CSMD1: variants seen among roughly 807,000 people sequenced by gnomAD.
CSMD1 encodes CUB and Sushi multiple domains 1, also known as CUB and sushi domain-containing protein 1.
Under a neutral mutation model 417.5 loss-of-function variants are expected in CSMD1, and 213 were observed. The ratio of observed to expected loss-of-function variants is 0.51; its 90% confidence interval spans 0.46 to 0.57. The LOEUF is 0.57. Ranked by LOEUF, CSMD1 falls within the 20% of genes least tolerant of loss-of-function variation. The pLI is 0.00. For missense variants in CSMD1, 6,923 were observed against 4,529.7 expected, an observed-to-expected ratio of 1.53 and a Z score of -15.17; for synonymous variants, 2,862 against 1,736.8, an observed-to-expected ratio of 1.65 and a Z score of -16.11.
intron 2 of CSMD1, among the ~76,000 whole-genome samples, chr8:4,562,504 C>T (rs1392797718): frequency 6.6e-6 from 1 of 152,050 alleles, no homozygotes; most frequent in East Asian, 1.9e-4. Flanking sequence ...TAAAACAAAC[C>T]TGGAGTCAGT....
chr8:4,106,849 G>T (rs1315294072), intron 3 of CSMD1, among the ~76,000 whole-genome samples: 1 of 152,078 alleles, frequency 6.6e-6, no homozygotes, highest in Non-Finnish European at 1.5e-5. Flanking sequence ...AGAGAGAAAA[G>T]AAAAACTGCC....
chr8:3,247,527 C>T (rs1050230687), intron 26 of CSMD1, among the ~76,000 whole-genome samples: 1 of 152,192 alleles, frequency 6.6e-6, no homozygotes, highest in Non-Finnish European at 1.5e-5. Context: ...GAGGCAAGCT[C>T]AGGTCCATCT....
intron 3 of CSMD1, among the ~76,000 whole-genome samples, chr8:4,359,653 G>T (rs757111804): frequency 6.6e-6 from 1 of 152,200 alleles, no homozygotes; most frequent in Non-Finnish European, 1.5e-5. Flanking sequence ...CCTTGCAAAT[G>T]TGTGTGGTTG....
chr8:4,654,491 C>G (rs1412125271), intron 1 of CSMD1, among the ~76,000 whole-genome samples: 1 of 151,974 alleles, frequency 6.6e-6, no homozygotes, highest in Non-Finnish European at 1.5e-5. Context: ...ACCCTGGAAA[C>G]GAAGTACCAG....
At chr8:4,549,623 T>G (rs1176752055) in intron 2 of CSMD1, among the ~76,000 whole-genome samples, 1 of 151,950 alleles carries the variant, frequency 6.6e-6, no homozygotes, top group East Asian at 1.9e-4. Flanking sequence ...GCGCGGTGGC[T>G]CACACCGGTA....
chr8:3,399,637 T>C (rs1324883565), intron 15 of CSMD1, 108 bp from the exon 16 acceptor site: 1 of 804,394 alleles, frequency 1.2e-6, no homozygotes, highest in East Asian at 3.0e-5. Flanking sequence ...AGACTGAATA[T>C]TTTCAAGTAT....
chr8:4,245,735 T>G (rs1035802353), intron 3 of CSMD1, among the ~76,000 whole-genome samples: 2 of 152,186 alleles, frequency 1.3e-5, no homozygotes, highest in Non-Finnish European at 2.9e-5. Context: ...ATACACTTCT[T>G]GGTGACTAAG....
intron 1 of CSMD1, among the ~76,000 whole-genome samples, chr8:4,810,390 C>G (rs1315095043): frequency 6.6e-6 from 1 of 152,118 alleles, no homozygotes; most frequent in Admixed American, 6.6e-5. Context: ...CATAGCCATT[C>G]ATAACGTGAT....
chr8:4,912,410 G>C (rs533751465), intron 1 of CSMD1, among the ~76,000 whole-genome samples: 19 of 151,092 alleles, frequency 1.3e-4, no homozygotes, highest in Admixed American at 2.6e-4. Context: ...GGGTTGTCTA[G>C]ATCAATGCCA....
At chr8:3,347,516 T>C (rs1479311320) in intron 22 of CSMD1, among the ~76,000 whole-genome samples, 1 of 152,216 alleles carries the variant, frequency 6.6e-6, no homozygotes, top group Non-Finnish European at 1.5e-5. Context: ...CTTCAGAACC[T>C]TTCCAGCTTT....
intron 5 of CSMD1, among the ~76,000 whole-genome samples, chr8:3,844,883 T>C (rs960100496): frequency 6.6e-6 from 1 of 152,216 alleles, no homozygotes; most frequent in Admixed American, 6.5e-5. Flanking sequence ...AAGTTTTTTC[T>C]AAAATTCTTG....
chr8:3,034,603 T>C (rs2406134), intron 50 of CSMD1, among the ~76,000 whole-genome samples: 84,435 of 151,896 alleles, frequency 0.56, 23,708 homozygotes, highest in Non-Finnish European at 0.58. Flanking sequence ...ATATACCTAC[T>C]ACACATAAAT....
chr8:4,599,644 T>C (rs1234650184), intron 2 of CSMD1, among the ~76,000 whole-genome samples: 2 of 152,168 alleles, frequency 1.3e-5, no homozygotes, highest in Non-Finnish European at 2.9e-5. Context: ...ATTTTAGACA[T>C]TTGGTTATTT....
chr8:3,296,399 G>T (rs1033832464), intron 25 of CSMD1, among the ~76,000 whole-genome samples: 7 of 152,102 alleles, frequency 4.6e-5, no homozygotes, highest in South Asian at 2.1e-4. Flanking sequence ...GAGAAGAATG[G>T]GGGTTGTGAA....
At chr8:3,663,261 A>G (rs962236614) in intron 7 of CSMD1, among the ~76,000 whole-genome samples, 1 of 152,148 alleles carries the variant, frequency 6.6e-6, no homozygotes, top group Admixed American at 6.5e-5. Flanking sequence ...AAAGTGAGAG[A>G]GTGCTGATAC....
chr8:4,781,488 C>G (rs1240705193), intron 1 of CSMD1, among the ~76,000 whole-genome samples: 1 of 152,176 alleles, frequency 6.6e-6, no homozygotes, highest in Non-Finnish European at 1.5e-5. Context: ...ATCTCAGACA[C>G]CAGCCTTTTA....
At chr8:3,127,810 T>C (rs1201020961) in intron 41 of CSMD1, 2 of 150,734 alleles carry the variant, frequency 1.3e-5, no homozygotes, top group Non-Finnish European at 2.9e-5. Context: ...CAATATGCTT[T>C]ATAACACAGA....
intron 1 of CSMD1, among the ~76,000 whole-genome samples, chr8:4,740,063 G>C (rs1044670620): frequency 2.6e-5 from 4 of 151,990 alleles, no homozygotes; most frequent in Admixed American, 6.6e-5. Flanking sequence ...AATGATCTCT[G>C]AGAACTCCAA....
At chr8:3,280,194 AGAGTAGTT>A (rs59442722) in intron 26 of CSMD1, among the ~76,000 whole-genome samples, 13,530 of 152,230 alleles carry the variant, frequency 0.089, 720 homozygotes, top group East Asian at 0.15. Flanking sequence ...CGAGAGCCAC[AGAGTAGTT>A]AAAGGAAGAG....
Sources: allele counts gnomAD v4.1 joint callset (sites outside exome capture counted in the v4.1 genomes callset), GRCh38; gene constraint gnomAD v4.1.1; transcripts MANE v1.5; gene names NCBI Gene and HGNC (gene_info 2026-07-23, HGNC 2026-07-21).